Variants in FAM193A observed in about 807,000 individuals in gnomAD.
The protein encoded by FAM193A is family with sequence similarity 193 member A.
In FAM193A, 22 loss-of-function variants were observed where a neutral mutation model predicts 126.5. That is an observed-to-expected ratio of 0.17 (90% confidence interval 0.12 to 0.25). FAM193A has a LOEUF of 0.25. FAM193A is among the 10% of genes least tolerant of loss of function. FAM193A has a pLI of 1.00. For missense variants in FAM193A, 1,675 were observed against 1,672.8 expected (o/e 1.00, Z -0.02); for synonymous variants, 761 against 646.8 (o/e 1.18, Z -2.68).
intron 20 of FAM193A, among the ~76,000 whole-genome samples, chr4:2,723,676 A>G (rs1279973274): frequency 6.6e-6 from 1 of 152,260 alleles, no homozygotes; most frequent in Non-Finnish European, 1.5e-5. Flanking sequence ...TGATATCAAA[A>G]TAAGATCATC....
chr4:2,639,767 G>A lies in FAM193A; in HGVS notation c.1071G>A (p.Thr357=), dbSNP rs764508544. Residue 357 remains threonine, a synonymous_variant, in exon 6 of 21, where the codon ACG becomes ACA. Coordinates refer to ENST00000637812, the MANE Select transcript of FAM193A (RefSeq NM_001366318.2). ...AACACTTGAAAAAGTTCCAAGTGAC[G>A]TGGGAACTGCATAATAAACACCTGT... ...ENEHLKKFQV[T]WELHNKHLFE... The A allele has an allele frequency of 8.0e-5, 129 of 1,612,910 alleles. No individual in the cohort carries two copies. In the South Asian group the frequency reaches 1.1e-3, roughly 14 times the overall value.
intron 1 of FAM193A, among the ~76,000 whole-genome samples, chr4:2,556,873 C>G (rs1738291511): frequency 6.6e-6 from 1 of 152,130 alleles, no homozygotes; most frequent in Non-Finnish European, 1.5e-5. Context: ...GAGCTTGAAA[C>G]TGAATGAGAG....
At chr4:2,714,755 G>A (rs1577260497) in intron 19 of FAM193A, among the ~76,000 whole-genome samples, 1 of 152,168 alleles carries the variant, frequency 6.6e-6, no homozygotes, top group African/African-American at 2.4e-5. Flanking sequence ...CCCAGTGGTA[G>A]AAAGAAATGG....
At chr4:2,680,446 A>G (rs1171833990) in intron 13 of FAM193A, among the ~76,000 whole-genome samples, 3 of 151,894 alleles carry the variant, frequency 2.0e-5, no homozygotes, top group Admixed American at 2.0e-4. Context: ...TTGGCCCCCC[A>G]ATAGCTGGGA....
chr4:2,612,556 A>C (rs1037724209), intron 2 of FAM193A, among the ~76,000 whole-genome samples: 3 of 152,142 alleles, frequency 2.0e-5, no homozygotes, highest in African/African-American at 7.2e-5. Context: ...CTGTCTTAAT[A>C]GTTTTAGCAT....
chr4:2,690,529 A>T (rs778988856), intron 14 of FAM193A, among the ~76,000 whole-genome samples, 169 bp from the exon 15 acceptor site: 50 of 152,208 alleles, frequency 3.3e-4, no homozygotes, highest in Admixed American at 9.8e-4. Context: ...GTAGGTGCTC[A>T]ATACAATTTT....
intron 1 of FAM193A, among the ~76,000 whole-genome samples, chr4:2,576,915 T>C (rs958616052): frequency 3.3e-5 from 5 of 152,222 alleles, no homozygotes; most frequent in Non-Finnish European, 7.3e-5. Flanking sequence ...GCAGCAGGAA[T>C]AGAGATGTAC....
At chr4:2,629,883 A>G (rs1743372011) in intron 4 of FAM193A, among the ~76,000 whole-genome samples, 1 of 152,208 alleles carries the variant, frequency 6.6e-6, no homozygotes, top group East Asian at 1.9e-4. Context: ...TGTAAGTCCC[A>G]GTACTTTGAG....
chr4:2,618,422 GATTTATTT>G (rs112503346), intron 2 of FAM193A, among the ~76,000 whole-genome samples: 103 of 151,608 alleles, frequency 6.8e-4, no homozygotes, highest in African/African-American at 2.3e-3. Context: ...CTTCATTTTG[GATTTATTT>G]ATTTATTTAT....
intron 1 of FAM193A, among the ~76,000 whole-genome samples, chr4:2,571,291 A>T (rs1462447059): frequency 3.3e-5 from 5 of 152,178 alleles, no homozygotes. Flanking sequence ...CCATGGATTA[A>T]TTATCCATTC....
At position 2,717,577 on chromosome 4, in the gene FAM193A, CAG is replaced by C. The variant is rs146625752; in HGVS notation, c.4454+1481_4454+1482del. On this transcript the variant is annotated intron_variant, in intron 20 of 20. Coordinates refer to ENST00000637812, the MANE Select transcript of FAM193A (RefSeq NM_001366318.2). ...CACCATTGCACTCCAGCCTGGGAAA[CAG>C]AGAGAGACTTTGTCTCAGGAAAAAA... Among the ~76,000 whole-genome samples, 4 of 132,912 alleles carry C rather than the reference CAG, an allele frequency of 3.0e-5. No individual in the cohort carries two copies. In the Admixed American group the frequency reaches 3.5e-4, roughly 12 times the overall value. 87.2% of individuals were successfully genotyped at this position (132,912 alleles called of 152,430 possible). A position where few individuals can be genotyped will look rare whatever the true frequency, so the allele number is the denominator to read the frequency against.
chr4:2,630,493 A>C (rs1743452540), intron 4 of FAM193A, among the ~76,000 whole-genome samples: 1 of 152,184 alleles, frequency 6.6e-6, no homozygotes, highest in Admixed American at 6.5e-5. Flanking sequence ...TTACTTGTTA[A>C]CATATAAGCC....
chr4:2,570,741 GCTC>G (rs1188857696), intron 1 of FAM193A, among the ~76,000 whole-genome samples: 1 of 152,100 alleles, frequency 6.6e-6, no homozygotes, highest in East Asian at 1.9e-4. Context: ...GCCTTGGTGA[GCTC>G]CTCCTCAGAT....
At chr4:2,631,696 C>T (rs1392080266) in intron 5 of FAM193A, among the ~76,000 whole-genome samples, 2 of 152,176 alleles carry the variant, frequency 1.3e-5, no homozygotes, top group African/African-American at 4.8e-5. Flanking sequence ...TCAAGACAGG[C>T]CCTATCACCA....
chr4:2,646,282 G>T (rs1284449933), intron 6 of FAM193A, among the ~76,000 whole-genome samples: 1 of 147,890 alleles, frequency 6.8e-6, no homozygotes, highest in African/African-American at 2.5e-5. Flanking sequence ...CGATTCTCCT[G>T]TCTCAGCCTC....
At chr4:2,649,081 A>G (rs1158679011) in intron 7 of FAM193A, among the ~76,000 whole-genome samples, 1 of 152,222 alleles carries the variant, frequency 6.6e-6, no homozygotes, top group Non-Finnish European at 1.5e-5. Context: ...TTATTTTTAA[A>G]AAGTAAAACT....
At chr4:2,606,646 GGCTT>G (rs1470530661) in intron 2 of FAM193A, among the ~76,000 whole-genome samples, 1 of 152,064 alleles carries the variant, frequency 6.6e-6, no homozygotes, top group Non-Finnish European at 1.5e-5. Context: ...GCCCATGCGT[GGCTT>G]GTAACATCAC....
chr4:2,681,398 G>GTTCTT (rs1194191246), intron 13 of FAM193A, among the ~76,000 whole-genome samples: 1 of 151,586 alleles, frequency 6.6e-6, no homozygotes, highest in Non-Finnish European at 1.5e-5. Flanking sequence ...GGTTTAGATT[G>GTTCTT]TTCTTTTTCT....
intron 1 of FAM193A, among the ~76,000 whole-genome samples, chr4:2,553,444 G>A (rs1041569520): frequency 2.7e-5 from 4 of 146,192 alleles, no homozygotes; most frequent in Non-Finnish European, 4.5e-5. Context: ...GCAGTGGTGC[G>A]ATTTCGGCTC....
Sources: gnomAD v4.1 joint callset for allele counts (sites outside exome capture counted in the v4.1 genomes callset) on GRCh38, gnomAD v4.1.1 for gene constraint, MANE v1.5 for transcripts, NCBI Gene and HGNC (gene_info 2026-07-23, HGNC 2026-07-21) for gene names.